Variants in SPINK9 observed in about 807,000 individuals in gnomAD.
The protein encoded by SPINK9 is serine peptidase inhibitor Kazal type 9.
Under a neutral mutation model 10.8 loss-of-function variants are expected in SPINK9, and 3 were observed. The ratio of observed to expected loss-of-function variants is 0.28; its 90% CI spans 0.13 to 0.72. The LOEUF is 0.72. Among genes scored for constraint, SPINK9 ranks in the 30% least tolerant of loss-of-function variants. The pLI, the probability that SPINK9 is intolerant of heterozygous loss-of-function variation, is 0.74. For synonymous variants in SPINK9, 30 were observed against 31.2 expected (o/e 0.96, Z 0.12); for missense variants, 101 against 103.2 (o/e 0.98, Z 0.09).
chr5:148,322,395 C>A (rs1056620231), intron 1 of SPINK9, among the ~76,000 whole-genome samples: 6 of 152,060 alleles, frequency 3.9e-5, no homozygotes, highest in Non-Finnish European at 8.8e-5. Flanking sequence ...ACAAAATATA[C>A]GTCTTTACTT....
intron 2 of SPINK9, among the ~76,000 whole-genome samples, chr5:148,325,729 T>C (rs1757050662): frequency 6.6e-6 from 1 of 152,180 alleles, no homozygotes; most frequent in Non-Finnish European, 1.5e-5. Flanking sequence ...TCTTTCAATT[T>C]TCATAATGTC....
At chr5:148,325,829 TG>T (rs1757051846) in intron 2 of SPINK9, among the ~76,000 whole-genome samples, 1 of 152,186 alleles carries the variant, frequency 6.6e-6, no homozygotes, top group Admixed American at 6.6e-5. Context: ...ATTTACACTT[TG>T]GGTTTTTTCT....
At chr5:148,331,026 T>TG (rs1249148535), upstream of SPINK9, among the ~76,000 whole-genome samples, 7 of 152,328 alleles carry the variant, frequency 4.6e-5, no homozygotes, top group South Asian at 6.2e-4. Flanking sequence ...CCCTGACCCC[T>TG]TGCACTTCCT....
At chr5:148,336,321 T>C in intron 1 of SPINK9, 101 bp from the exon 2 acceptor site, 1 of 1,259,630 alleles carries the variant, frequency 7.9e-7, no homozygotes, top group Non-Finnish European at 1.2e-6. Flanking sequence ...CTTACATTTT[T>C]ATGACAGGCT....
At chr5:148,333,899 T>G (rs1309080032), upstream of SPINK9, among the ~76,000 whole-genome samples, 3 of 152,236 alleles carry the variant, frequency 2.0e-5, no homozygotes, top group African/African-American at 7.2e-5. Flanking sequence ...CTTATAGCAG[T>G]TACACTAGTA....
chr5:148,326,860 T>C (rs1373859865), intron 2 of SPINK9, among the ~76,000 whole-genome samples: 1 of 152,130 alleles, frequency 6.6e-6, no homozygotes, highest in Non-Finnish European at 1.5e-5. Flanking sequence ...TTTTTATGGC[T>C]GCATAGTATT....
chr5:148,336,559 T>C (rs1757220400), intron 2 of SPINK9, 106 bp downstream of exon 2: 1 of 1,245,754 alleles, frequency 8.0e-7, no homozygotes, highest in South Asian at 1.3e-5. Flanking sequence ...ATATTTACTT[T>C]ATGTGTATGA....
chr5:148,327,996 T>G (rs71580490), intron 2 of SPINK9, among the ~76,000 whole-genome samples: 1 of 150,562 alleles, frequency 6.6e-6, no homozygotes, highest in East Asian at 2.0e-4. Context: ...CGGGCTCTTT[T>G]TTGGTTCCAT....
intron 1 of SPINK9, among the ~76,000 whole-genome samples, chr5:148,322,899 C>T (rs887171492): frequency 2.0e-5 from 3 of 152,094 alleles, no homozygotes; most frequent in Non-Finnish European, 2.9e-5. Context: ...TCAAAACTCA[C>T]GACCTTAAAA....
chr5:148,331,401 T>C (rs1485161251), upstream of SPINK9, among the ~76,000 whole-genome samples: 1 of 152,190 alleles, frequency 6.6e-6, no homozygotes, highest in African/African-American at 2.4e-5. Flanking sequence ...GTGATCTCAC[T>C]TATATGTGGA....
intron 2 of SPINK9, among the ~76,000 whole-genome samples, chr5:148,328,774 T>C (rs1247483657): frequency 1.3e-5 from 2 of 152,228 alleles, no homozygotes; most frequent in Non-Finnish European, 2.9e-5. Flanking sequence ...GTGGTTTTTG[T>C]CTTTGGTTCT....
At chr5:148,331,481 T>C (rs1458057561), upstream of SPINK9, among the ~76,000 whole-genome samples, 1 of 151,974 alleles carries the variant, frequency 6.6e-6, no homozygotes, top group Non-Finnish European at 1.5e-5. Context: ...GGTCGGGAAG[T>C]GGAGAGGGAA....
At chr5:148,335,785 A>T in intron 1 of SPINK9, 117 bp downstream of exon 1, 1 of 1,253,026 alleles carries the variant, frequency 8.0e-7, no homozygotes, top group East Asian at 2.4e-5. Context: ...GAAACTTTTT[A>T]AAATGAATCT....
At chr5:148,321,955 T>C (rs576541523) in intron 1 of SPINK9, among the ~76,000 whole-genome samples, 3 of 152,230 alleles carry the variant, frequency 2.0e-5, no homozygotes, top group Non-Finnish European at 2.9e-5. Flanking sequence ...AAGATAATGA[T>C]GGCTAACAGT....
upstream of SPINK9, among the ~76,000 whole-genome samples, chr5:148,335,376 T>A (rs992533646): frequency 4.6e-5 from 7 of 152,180 alleles, no homozygotes; most frequent in Non-Finnish European, 7.3e-5. Context: ...TCCATCAGCC[T>A]GGGTTTGGGG....
At chr5:148,337,707 C>T (rs527837009) in intron 2 of SPINK9, among the ~76,000 whole-genome samples, 8 of 152,128 alleles carry the variant, frequency 5.3e-5, no homozygotes, top group African/African-American at 1.9e-4. Flanking sequence ...TTTTTACTTC[C>T]ACCCTACAAT....
rs778361791 is a variant in SPINK9, at chr5:148,323,837, C to G, written c.87C>G (p.Leu29=). Residue 29 remains leucine, a synonymous_variant, in exon 2 of 5, where the codon CTC becomes CTG. Coordinates refer to the SPINK9 transcript ENST00000511717. ...GAGAACACAATGAACCCAGGAGACT[C>G]ATGGGCTTAACGCAACCTGAACATT... is the stretch of plus-strand genomic sequence containing the variant. 2.9e-5 allele frequency: 20 copies of G among 701,408 alleles called. No homozygotes were observed. In the South Asian group the frequency reaches 3.0e-4, roughly 10 times the overall value. 43.4% of individuals were successfully genotyped at this position (701,408 alleles called of 1,614,324 possible). A position where few individuals can be genotyped will look rare whatever the true frequency, so the allele number is the denominator to read the frequency against.
chr5:148,329,259 T>C (rs1303443554), intron 2 of SPINK9, among the ~76,000 whole-genome samples: 2 of 152,226 alleles, frequency 1.3e-5, no homozygotes, highest in African/African-American at 4.8e-5. Flanking sequence ...GAAGAATTTA[T>C]CCCTGTCTTC....
At chr5:148,323,591 A>G (rs1757023109) in intron 1 of SPINK9, 3 of 496,716 alleles carry the variant, frequency 6.0e-6, no homozygotes, top group South Asian at 6.9e-5. Context: ...ATTCTTAGGA[A>G]GAGTAAATCA....
Sources: allele counts gnomAD v4.1 joint callset (sites outside exome capture counted in the v4.1 genomes callset), GRCh38; gene constraint gnomAD v4.1.1; transcripts MANE v1.5; gene names NCBI Gene and HGNC (gene_info 2026-07-23, HGNC 2026-07-21).